Variants in LURAP1L observed in about 807,000 individuals in gnomAD.
LURAP1L encodes leucine rich adaptor protein 1 like.
Under a neutral mutation model 13.8 loss-of-function variants are expected in LURAP1L, and 12 were observed. That is an observed-to-expected ratio of 0.87 (90% CI 0.56 to 1.41). The LOEUF (loss-of-function observed/expected upper bound fraction) is 1.41, where lower values mean the gene tolerates loss of function less well. LURAP1L is among the 40% of genes most tolerant of loss of function. The pLI is 0.00. For missense variants in LURAP1L, 375 were observed against 292.9 expected (o/e 1.28, Z -2.04); for synonymous variants, 139 against 119.2 (o/e 1.17, Z -1.08).
At chr9:12,796,424 TC>T (rs1387512861) in intron 1 of LURAP1L, among the ~76,000 whole-genome samples, 1 of 152,066 alleles carries the variant, frequency 6.6e-6, no homozygotes, top group African/African-American at 2.4e-5. Context: ...AGTGCCTCCT[TC>T]TTTGCTTAAC....
At chr9:12,781,016 G>C (rs1333388944) in intron 1 of LURAP1L, among the ~76,000 whole-genome samples, 3 of 152,106 alleles carry the variant, frequency 2.0e-5, no homozygotes, top group South Asian at 4.1e-4. Flanking sequence ...TTGTTGCCCA[G>C]GCTGGAGTGC....
intron 1 of LURAP1L, among the ~76,000 whole-genome samples, chr9:12,787,328 A>AGGTATATATGG (rs1488248987): frequency 6.6e-6 from 1 of 152,186 alleles, no homozygotes; most frequent in East Asian, 1.9e-4. Context: ...CCATTTGTAT[A>AGGTATATATGG]GGTATATATA....
At chr9:12,779,306 G>A (rs1000640510) in intron 1 of LURAP1L, among the ~76,000 whole-genome samples, 3 of 112,586 alleles carry the variant, frequency 2.7e-5, no homozygotes, top group Admixed American at 2.8e-4. Flanking sequence ...ACGGAGTCTC[G>A]CCCTATCGCC....
intron 1 of LURAP1L, among the ~76,000 whole-genome samples, chr9:12,805,784 C>T (rs186585750): frequency 9.2e-5 from 14 of 152,252 alleles, no homozygotes; most frequent in East Asian, 3.9e-4. Flanking sequence ...TCTCTGGAAT[C>T]GGCTGTTTTA....
chr9:12,779,920 C>G (rs1819246067), intron 1 of LURAP1L, among the ~76,000 whole-genome samples: 1 of 152,204 alleles, frequency 6.6e-6, no homozygotes, highest in Admixed American at 6.5e-5. Flanking sequence ...ATCTGCTTCC[C>G]AGCAATCATA....
chr9:12,821,363 C>T, intron 1 of LURAP1L, 23 bp from the exon 2 acceptor site: 1 of 1,594,702 alleles, frequency 6.3e-7, no homozygotes, highest in East Asian at 2.2e-5. Context: ...GCTGGAATAT[C>T]TTTCTTCTCT....
chr9:12,780,191 T>C (rs1459269489), intron 1 of LURAP1L, among the ~76,000 whole-genome samples: 1 of 152,230 alleles, frequency 6.6e-6, no homozygotes, highest in Non-Finnish European at 1.5e-5. Context: ...CCTGACACCA[T>C]CTTGTGTTCA....
intron 1 of LURAP1L, among the ~76,000 whole-genome samples, chr9:12,810,682 GC>G (rs1819724705): frequency 6.6e-6 from 1 of 152,114 alleles, no homozygotes; most frequent in Admixed American, 6.5e-5. Context: ...TATTCCTAAA[GC>G]CATTTTAAAA....
At chr9:12,807,334 G>C (rs1320663307) in intron 1 of LURAP1L, among the ~76,000 whole-genome samples, 1 of 152,014 alleles carries the variant, frequency 6.6e-6, no homozygotes, top group Non-Finnish European at 1.5e-5. Flanking sequence ...GAATTGGCCA[G>C]GGTAATCTGA....
chr9:12,800,343 TTAAG>T (rs1452668414), intron 1 of LURAP1L, among the ~76,000 whole-genome samples: 2 of 152,238 alleles, frequency 1.3e-5, no homozygotes. Context: ...AGAGAAAATG[TTAAG>T]TAACATATCC....
chr9:12,798,013 C>T (rs1369270372), intron 1 of LURAP1L, among the ~76,000 whole-genome samples: 1 of 152,118 alleles, frequency 6.6e-6, no homozygotes, highest in Admixed American at 6.6e-5. Context: ...ATGGGGCAAG[C>T]ATTTGATCTT....
At chr9:12,788,838 A>G (rs1478593927) in intron 1 of LURAP1L, among the ~76,000 whole-genome samples, 1 of 151,622 alleles carries the variant, frequency 6.6e-6, no homozygotes. Flanking sequence ...GGTAAGAAAA[A>G]CTATTTTGAG....
At chr9:12,776,138 C>A in intron 1 of LURAP1L, 111 bp downstream of exon 1, 1 of 1,141,322 alleles carries the variant, frequency 8.8e-7, no homozygotes, top group Non-Finnish European at 1.3e-6. Context: ...GAGCGGAGCG[C>A]TGGGCGCGTG....
At chr9:12,805,075 C>T (rs1819638740) in intron 1 of LURAP1L, among the ~76,000 whole-genome samples, 1 of 151,928 alleles carries the variant, frequency 6.6e-6, no homozygotes, top group Non-Finnish European at 1.5e-5. Context: ...AATGACAAAA[C>T]AAGGAAAATT....
At chr9:12,818,335 T>C (rs1399544163) in intron 1 of LURAP1L, among the ~76,000 whole-genome samples, 3 of 152,184 alleles carry the variant, frequency 2.0e-5, no homozygotes, top group Non-Finnish European at 4.4e-5. Context: ...CCTGGTGGCA[T>C]AGTTGTTAGG....
intron 1 of LURAP1L, among the ~76,000 whole-genome samples, chr9:12,789,163 T>C (rs1819406082): frequency 6.6e-6 from 1 of 152,072 alleles, no homozygotes; most frequent in African/African-American, 2.4e-5. Context: ...TGTTGGGCTT[T>C]GGAATAAGGT....
rs961494198 is a variant in LURAP1L, at chr9:12,822,327, C to T, written c.*567C>T. ...CACATGACAATCATCTGAAAGTCCC[C>T]AACTATACACATTCTGTTCAACCAA... On this transcript the variant is annotated 3_prime_UTR_variant, in exon 2 of 2. Coordinates refer to ENST00000319264, the MANE Select transcript of LURAP1L (RefSeq NM_203403.2). 6.6e-6 allele frequency among the ~76,000 whole-genome samples: 1 copy of T among 152,112 alleles called. No individual in the cohort carries two copies. Among genetic ancestry groups the T allele is most frequent in the Non-Finnish European group, 1.5e-5 (1 of 68,010 alleles).
Position 12,821,787 on chromosome 9 carries a change from T to A in LURAP1L, c.*27T>A, listed in dbSNP as rs1563901478. The A allele has an allele frequency of 6.3e-7, 1 of 1,584,242 alleles. No individual in the cohort carries two copies. The highest frequency in any genetic ancestry group is 1.7e-4 in the Middle Eastern group (1 of 5,926). ...GACAGTTTTTTGCATGGGACTGGTG[T>A]GCAATGAACTTGTATTTATCCTTCT... On this transcript the variant is annotated 3_prime_UTR_variant, in exon 2 of 2. Transcript: ENST00000319264.
chr9:12,819,298 T>C (rs976801987), intron 1 of LURAP1L, among the ~76,000 whole-genome samples: 3 of 152,196 alleles, frequency 2.0e-5, no homozygotes, highest in African/African-American at 7.2e-5. Context: ...AATTGTACTT[T>C]ATGTTTTTTG....
Sources: allele counts gnomAD v4.1 joint callset (sites outside exome capture counted in the v4.1 genomes callset), GRCh38; gene constraint gnomAD v4.1.1; transcripts MANE v1.5; gene names NCBI Gene and HGNC (gene_info 2026-07-23, HGNC 2026-07-21).